The following ANKRD17 variants were observed in gnomAD, a reference collection of about 807,000 sequenced individuals.
ANKRD17 encodes ankyrin repeat domain-containing protein 17.
A neutral mutation model predicts 229.7 loss-of-function variants in ANKRD17; 19 were observed. That is an observed-to-expected ratio of 0.08 (90% CI 0.06 to 0.12). The LOEUF (loss-of-function observed/expected upper bound fraction) is 0.12, where lower values mean the gene tolerates loss of function less well. ANKRD17 is among the 10% of genes least tolerant of loss of function. ANKRD17 has a pLI of 1.00. For synonymous variants in ANKRD17, 1,112 were observed against 1,146.1 expected (o/e 0.97, Z 0.60); for missense variants, 2,176 against 3,176.8 (o/e 0.68, Z 7.57).
At chr4:73,143,981 C>G (rs561865844) in intron 11 of ANKRD17, among the ~76,000 whole-genome samples, 2 of 152,088 alleles carry the variant, frequency 1.3e-5, no homozygotes, top group Non-Finnish European at 2.9e-5. Flanking sequence ...ACTGAAAGGA[C>G]CCTCCTGACT....
chr4:73,075,685 G>A lies in ANKRD17; in HGVS notation c.*546C>T, dbSNP rs755750639. The A allele has an allele frequency of 2.0e-5, 3 of 152,606 alleles. No individual in the cohort carries two copies. The highest frequency in any genetic ancestry group is 6.5e-5 in the Admixed American group (1 of 15,278). 9.5% of individuals were successfully genotyped at this position (152,606 alleles called of 1,614,324 possible). Reference sequence around the variant, plus strand: ...ATACTTAAATTACACCAGTAGAAAAGTTATGCTTATTAATAGTTTAATGTA... The same window carrying A: ...ATACTTAAATTACACCAGTAGAAAAATTATGCTTATTAATAGTTTAATGTA... On this transcript the variant is annotated 3_prime_UTR_variant, in exon 34 of 34. Coordinates refer to ENST00000358602, the MANE Select transcript of ANKRD17 (RefSeq NM_032217.5).
chr4:73,135,895 C>T (rs1728837765), intron 15 of ANKRD17, among the ~76,000 whole-genome samples: 1 of 152,098 alleles, frequency 6.6e-6, no homozygotes, highest in Admixed American at 6.5e-5. Flanking sequence ...TCTGAGGGAG[C>T]TAAAATGCTC....
intron 1 of ANKRD17, among the ~76,000 whole-genome samples, chr4:73,207,049 C>T (rs1739562273): frequency 6.6e-6 from 1 of 152,132 alleles, no homozygotes; most frequent in African/African-American, 2.4e-5. Flanking sequence ...ATTTTGAACT[C>T]CTGACCTCAG....
chr4:73,108,149 C>T (rs900873340), intron 24 of ANKRD17, among the ~76,000 whole-genome samples: 7 of 152,016 alleles, frequency 4.6e-5, no homozygotes, highest in Admixed American at 2.0e-4. Context: ...GCAAAGGTAA[C>T]GGGATTTTTC....
At chr4:73,158,172 G>GAAAGAAAGAAAGAA (rs1553925366) in intron 3 of ANKRD17, among the ~76,000 whole-genome samples, 1 of 150,876 alleles carries the variant, frequency 6.6e-6, no homozygotes, top group Non-Finnish European at 1.5e-5. Context: ...AAGAAAGAAA[G>GAAAGAAAGAAAGAA]AAAGAAAGAA....
intron 1 of ANKRD17, among the ~76,000 whole-genome samples, chr4:73,188,589 A>C (rs935148372): frequency 6.6e-6 from 1 of 152,224 alleles, no homozygotes; most frequent in African/African-American, 2.4e-5. Flanking sequence ...CGTCTAAAAA[A>C]AACAAAAAAG....
At chr4:73,139,483 C>T (rs1729344826) in intron 15 of ANKRD17, 48 bp downstream of exon 15, 1 of 1,548,276 alleles carries the variant, frequency 6.5e-7, no homozygotes, top group Non-Finnish European at 8.7e-7. Flanking sequence ...TTCTTACTCG[C>T]CTTAAGCAAA....
rs1268909074 is a variant in ANKRD17, at chr4:73,074,941, GTGGCC to G, written c.*1285_*1289del. The G allele has an allele frequency of 6.6e-6, 1 of 152,400 alleles. No individual in the cohort carries two copies. Among genetic ancestry groups the G allele is most frequent in the Non-Finnish European group, 1.5e-5 (1 of 67,886 alleles). 9.4% of individuals were successfully genotyped at this position (152,400 alleles called of 1,614,324 possible). ...TATAAATCCCACTGAGTAGTTTAGT[GTGGCC>G]TTGTATCTTTTATAAACAGGTTAAA... is the stretch of plus-strand genomic sequence containing the variant. On this transcript the variant is annotated 3_prime_UTR_variant, in exon 34 of 34. Transcript: ENST00000358602.
At chr4:73,215,009 T>C (rs1367470624) in intron 1 of ANKRD17, among the ~76,000 whole-genome samples, 3 of 152,148 alleles carry the variant, frequency 2.0e-5, no homozygotes, top group Non-Finnish European at 4.4e-5. Context: ...AAACTGCAAA[T>C]GGTAGCCAAC....
intron 3 of ANKRD17, among the ~76,000 whole-genome samples, chr4:73,158,125 AAAG>A (rs201114276): frequency 5.0e-4 from 65 of 129,536 alleles, no homozygotes; most frequent in Middle Eastern, 3.8e-3. Flanking sequence ...GGAGAGAAAG[AAAG>A]AAGGAGAAAG....
intron 1 of ANKRD17, among the ~76,000 whole-genome samples, chr4:73,182,029 CAG>C (rs1400875919): frequency 9.6e-6 from 1 of 103,736 alleles, no homozygotes; most frequent in Admixed American, 1.5e-4. Context: ...GCCTGGGCGA[CAG>C]AGCAAGACTC....
In ANKRD17 at chr4:73,210,034, G is replaced by A. The variant is rs112054059; in HGVS notation, c.394-32501C>T. 1.9e-3 allele frequency among the ~76,000 whole-genome samples: 286 copies of A among 152,194 alleles called. 1 individual carries two copies. The highest frequency in any genetic ancestry group is 6.6e-3 in the African/African-American group (274 of 41,536). On this transcript the variant is annotated intron_variant, in intron 1 of 33. Coordinates refer to ENST00000358602, the MANE Select transcript of ANKRD17 (RefSeq NM_032217.5). Reference sequence around the variant, plus strand: ...CTTATCTCCCTAAAATCAGAAACAAGGCAAAGAAGCCCATAGTCACCAGTT... The same window carrying A: ...CTTATCTCCCTAAAATCAGAAACAAAGCAAAGAAGCCCATAGTCACCAGTT...
intron 2 of ANKRD17, among the ~76,000 whole-genome samples, chr4:73,171,071 G>C (rs1389540252): frequency 6.6e-6 from 1 of 152,028 alleles, no homozygotes; most frequent in East Asian, 1.9e-4. Context: ...CATTGAGTGA[G>C]ACCCAGTGCT....
chr4:73,158,152 A>AAAGAAAGAAAGAAAGAAAGAAAG (rs1731954360), intron 3 of ANKRD17, among the ~76,000 whole-genome samples: 1 of 128,708 alleles, frequency 7.8e-6, no homozygotes, highest in African/African-American at 2.9e-5. Flanking sequence ...GAAAGGAAGA[A>AAAGAAAGAAAGAAAGAAAGAAAG]AAAGAAAGAA....
intron 31 of ANKRD17, 49 bp from the exon 32 acceptor site, chr4:73,077,582 AAAATC>A: frequency 6.9e-7 from 1 of 1,449,060 alleles, no homozygotes. Flanking sequence ...ATTTAAAATC[AAAATC>A]AAATATTTTG....
chr4:73,078,719 G>C lies in ANKRD17; in HGVS notation c.7331C>G (p.Ser2444Cys). ...TGTAGACAAATTGCTCCCAATAACA[G>C]ATGGAGCTGACGTTCCAGTTTGCCT... ...RIRQTGTSAP[S>C]VIGSNLSTSV... The change falls in exon 31 of 34, where the codon TCT becomes TGT. Residue 2444 changes from serine to cysteine, a missense_variant. Coordinates refer to ENST00000358602, the MANE Select transcript of ANKRD17 (RefSeq NM_032217.5). The C allele has an allele frequency of 6.2e-7, 1 of 1,614,138 alleles. No individual in the cohort carries two copies. Among genetic ancestry groups the C allele is most frequent in the Non-Finnish European group, 8.5e-7 (1 of 1,180,006 alleles).
At chr4:73,177,102 G>A (rs1333402526) in intron 2 of ANKRD17, among the ~76,000 whole-genome samples, 1 of 152,074 alleles carries the variant, frequency 6.6e-6, no homozygotes, top group Non-Finnish European at 1.5e-5. Context: ...TTTGCAGGTA[G>A]GCAAATTCAC....
intron 15 of ANKRD17, 59 bp from the exon 16 acceptor site, chr4:73,135,324 C>A: frequency 1.3e-6 from 2 of 1,482,494 alleles, no homozygotes; most frequent in Non-Finnish European, 1.8e-6. Flanking sequence ...AATACTAAGA[C>A]ATATTCACTC....
intron 24 of ANKRD17, among the ~76,000 whole-genome samples, chr4:73,108,821 A>G (rs989544617): frequency 2.2e-4 from 33 of 152,192 alleles, no homozygotes; most frequent in Admixed American, 2.2e-3. Context: ...TAAAAGGTTG[A>G]GGCAAGAGGG....
Sources: allele counts gnomAD v4.1 joint callset (sites outside exome capture counted in the v4.1 genomes callset), GRCh38; gene constraint gnomAD v4.1.1; transcripts MANE v1.5; gene names NCBI Gene and HGNC (gene_info 2026-07-23, HGNC 2026-07-21).